The following USH2A variants were observed in gnomAD, a reference collection of about 807,000 sequenced individuals.
USH2A encodes usherin, also known as Usher syndrome 2A (autosomal recessive, mild).
In USH2A, 443 loss-of-function variants were observed where a neutral mutation model predicts 538.9. The observed-to-expected ratio is 0.82, with a 90% CI of 0.76 to 0.89. The LOEUF (loss-of-function observed/expected upper bound fraction) is 0.89. Ranked by LOEUF, USH2A falls within the 40% of genes least tolerant of loss-of-function variation. USH2A has a pLI of 0.00. For synonymous variants in USH2A, 2,413 were observed against 2,273.5 expected (o/e 1.06, Z -1.75); for missense variants, 6,633 against 6,324.8 (o/e 1.05, Z -1.65).
rs115315619 is a variant in USH2A at position 215,726,981 on chromosome 1, G to T, written c.12066+1049C>A. On this transcript the variant is annotated intron_variant, in intron 61 of 71. Coordinates refer to ENST00000307340, the MANE Select transcript of USH2A (RefSeq NM_206933.4). ...TATTATAAAACGGAACACTCCCTGT[G>T]ACAAGGACCATCCTGTTTCTGTATA... Among the ~76,000 whole-genome samples, 695 of 152,204 alleles carry T rather than the reference G, an allele frequency of 4.6e-3. 9 individuals carry two copies. The highest frequency in any genetic ancestry group is 0.016 in the African/African-American group (659 of 41,514).
chr1:215,743,241 G>A lies in USH2A; in HGVS notation c.11484C>T (p.Ser3828=). 1.9e-6 allele frequency: 3 copies of A among 1,612,314 alleles called. No homozygotes were observed. The highest frequency in any genetic ancestry group is 2.5e-6 in the Non-Finnish European group (3 of 1,179,420). Residue 3828 remains serine, a synonymous_variant, in exon 59 of 72, where the codon TCC becomes TCT. Coordinates refer to ENST00000307340, the MANE Select transcript of USH2A (RefSeq NM_206933.4). ...PLAFSVGHHQ[S]TLLENLTPFT... is the part of the protein sequence containing the mutation. ...ATGGAGTCAAATTTTCCAGAAGGGT[G>A]GATTGATGATGACCAACGGAGAAGG... is the stretch of plus-strand genomic sequence containing the variant.
intron 15 of USH2A, among the ~76,000 whole-genome samples, chr1:216,211,508 T>C (rs2035240539): frequency 6.6e-6 from 1 of 152,204 alleles, no homozygotes; most frequent in South Asian, 2.1e-4. Context: ...ATGTAAAATA[T>C]ATAAAATTCC....
At chr1:215,939,530 A>C (rs753586402) in intron 37 of USH2A, among the ~76,000 whole-genome samples, 2 of 152,152 alleles carry the variant, frequency 1.3e-5, no homozygotes, top group Non-Finnish European at 2.9e-5. Flanking sequence ...TGAGATGAAA[A>C]TCTTATTTTC....
intron 3 of USH2A, among the ~76,000 whole-genome samples, chr1:216,415,329 G>T (rs1448182684): frequency 1.3e-5 from 2 of 151,940 alleles, no homozygotes; most frequent in Non-Finnish European, 2.9e-5. Flanking sequence ...GGCGGGCAGG[G>T]TATAGGTGTG....
chr1:216,018,690 A>G (rs1444990348), intron 32 of USH2A, among the ~76,000 whole-genome samples: 2 of 152,230 alleles, frequency 1.3e-5, no homozygotes, highest in Admixed American at 6.5e-5. Flanking sequence ...ATTTTCATTC[A>G]CAGCAGCATT....
At position 216,330,293 on chromosome 1, in the gene USH2A, G is replaced by A. The variant is rs542974770; in HGVS notation, c.785-2639C>T. Among the ~76,000 whole-genome samples the A allele has an allele frequency of 9.9e-4, 150 of 152,188 alleles. 1 individual carries two copies. Among genetic ancestry groups the A allele is most frequent in the African/African-American group, 3.5e-3 (144 of 41,548 alleles). ...ATTCACGTAGATAAACATAATGAAT[G>A]AGAAATTCATATAGTATATTAGAAT... On this transcript the variant is annotated intron_variant, in intron 4 of 71. Coordinates refer to ENST00000307340, the MANE Select transcript of USH2A (RefSeq NM_206933.4).
chr1:215,832,000 C>G (rs1019931371), intron 47 of USH2A, among the ~76,000 whole-genome samples: 2 of 151,866 alleles, frequency 1.3e-5, no homozygotes, highest in Non-Finnish European at 2.9e-5. Context: ...GTTTGTAGTA[C>G]AAACATACTA....
intron 28 of USH2A, 46 bp downstream of exon 28, chr1:216,073,051 T>C (rs2031613105): frequency 1.2e-6 from 2 of 1,613,228 alleles, no homozygotes; most frequent in African/African-American, 2.7e-5. Context: ...GAAAGGGGGA[T>C]GAATAAGAGA....
At chr1:215,641,743 A>G (rs995052140) in intron 67 of USH2A, among the ~76,000 whole-genome samples, 3 of 152,234 alleles carry the variant, frequency 2.0e-5, no homozygotes, top group Non-Finnish European at 4.4e-5. Flanking sequence ...AAATCAATCC[A>G]TCTATTTCTG....
intron 65 of USH2A, 47 bp from the exon 66 acceptor site, chr1:215,648,813 G>T: frequency 6.5e-7 from 1 of 1,546,478 alleles, no homozygotes; most frequent in Non-Finnish European, 8.9e-7. Context: ...AAACATTAAA[G>T]GTGTTTGATG....
intron 47 of USH2A, among the ~76,000 whole-genome samples, chr1:215,818,599 T>A (rs972062127): frequency 6.6e-6 from 1 of 151,888 alleles, no homozygotes; most frequent in African/African-American, 2.4e-5. Flanking sequence ...GGGTTTGGTA[T>A]ACAATGAAGG....
At chr1:216,309,723 A>G (rs962306554) in intron 9 of USH2A, among the ~76,000 whole-genome samples, 6 of 151,846 alleles carry the variant, frequency 4.0e-5, no homozygotes, top group African/African-American at 1.5e-4. Context: ...GTTCTCCTCT[A>G]CTCCTTATTT....
chr1:215,649,676 A>G (rs992733930), intron 65 of USH2A, among the ~76,000 whole-genome samples: 2 of 152,184 alleles, frequency 1.3e-5, no homozygotes. Context: ...ATTGTGTTTC[A>G]ATACCTGACA....
intron 67 of USH2A, among the ~76,000 whole-genome samples, chr1:215,643,094 C>A (rs527771616): frequency 2.0e-5 from 3 of 152,146 alleles, no homozygotes; most frequent in Admixed American, 6.5e-5. Context: ...CTCCCAGGTT[C>A]AAGTGATTCT....
chr1:216,007,074 C>A (rs561719616), intron 32 of USH2A, among the ~76,000 whole-genome samples: 3 of 152,050 alleles, frequency 2.0e-5, no homozygotes, highest in Non-Finnish European at 4.4e-5. Flanking sequence ...CTAATGGTTC[C>A]ATAAGGGGTT....
intron 58 of USH2A, among the ~76,000 whole-genome samples, chr1:215,752,222 A>G (rs568487083): frequency 1.3e-5 from 2 of 152,284 alleles, no homozygotes; most frequent in African/African-American, 4.8e-5. Flanking sequence ...TTGACTGCAT[A>G]ATAAATTGTG....
chr1:215,738,158 G>T (rs546401118), intron 60 of USH2A, among the ~76,000 whole-genome samples: 16 of 152,030 alleles, frequency 1.1e-4, no homozygotes, highest in African/African-American at 3.4e-4. Flanking sequence ...TTTTGTAGAC[G>T]TAAGTGATGA....
chr1:215,679,680 C>T lies in USH2A; in HGVS notation c.12294+469G>A, dbSNP rs144290146. Among the ~76,000 whole-genome samples the T allele has an allele frequency of 7.6e-4, 116 of 152,310 alleles. 1 individual carries two copies. The East Asian group carries it at 0.016, about 21-fold the overall frequency. On this transcript the variant is annotated intron_variant, in intron 62 of 71. Coordinates refer to ENST00000307340, the MANE Select transcript of USH2A (RefSeq NM_206933.4). ...ATACAGAAGTTGGGAAGTTAGCAGA[C>T]ACCTGTGGCTTGCTTAATGAGCTCT...
chr1:216,277,766 G>A (rs902248946), intron 11 of USH2A, among the ~76,000 whole-genome samples: 6 of 152,096 alleles, frequency 3.9e-5, no homozygotes, highest in Non-Finnish European at 7.4e-5. Context: ...GATAGCAGAA[G>A]CGACACACAC....
Sources: allele counts gnomAD v4.1 joint callset (sites outside exome capture counted in the v4.1 genomes callset), GRCh38; gene constraint gnomAD v4.1.1; transcripts MANE v1.5; gene names NCBI Gene and HGNC (gene_info 2026-07-23, HGNC 2026-07-21).